PCBP3: variants seen among roughly 807,000 people sequenced by gnomAD.
PCBP3 encodes poly(rC)-binding protein 3.
A neutral mutation model predicts 52.7 loss-of-function variants in PCBP3; 25 were observed. The observed-to-expected ratio is 0.47, with a 90% confidence interval of 0.35 to 0.66. PCBP3 has a LOEUF of 0.66. Ranked by LOEUF, PCBP3 falls within the 30% of genes least tolerant of loss-of-function variation. The pLI is 0.01. For missense variants in PCBP3, 391 were observed against 490.3 expected (o/e 0.80, Z 1.91); for synonymous variants, 162 against 183.0 (o/e 0.89, Z 0.93).
At chr21:45,747,321 G>T (rs1019794401) in intron 3 of PCBP3, among the ~76,000 whole-genome samples, 1 of 152,210 alleles carries the variant, frequency 6.6e-6, no homozygotes, top group African/African-American at 2.4e-5. Context: ...GGGGATTATG[G>T]GAGCTACAAT....
intron 4 of PCBP3, among the ~76,000 whole-genome samples, chr21:45,798,925 G>A (rs373500736): frequency 8.3e-6 from 1 of 121,180 alleles, no homozygotes; most frequent in Non-Finnish European, 1.9e-5. Flanking sequence ...CATAGAGAGA[G>A]TGAATGGATG....
At chr21:45,757,917 C>T (rs865910451) in intron 4 of PCBP3, among the ~76,000 whole-genome samples, 1 of 149,682 alleles carries the variant, frequency 6.7e-6, no homozygotes, top group Non-Finnish European at 1.5e-5. Flanking sequence ...GACAGAGTCT[C>T]ACTCTGTAGC....
chr21:45,651,507 T>C (rs2146839692), intron 1 of PCBP3, among the ~76,000 whole-genome samples: 1 of 152,334 alleles, frequency 6.6e-6, no homozygotes, highest in Non-Finnish European at 1.5e-5. Flanking sequence ...AAGTATGTTT[T>C]TTGAACCAAT....
At chr21:45,894,138 T>A in intron 5 of PCBP3, 3 of 586,892 alleles carry the variant, frequency 5.1e-6, no homozygotes, top group Non-Finnish European at 6.4e-6. Flanking sequence ...CTCTGGGCAC[T>A]GAGTCCCAGG....
chr21:45,899,643 T>C (rs752761548), intron 7 of PCBP3, 21 bp downstream of exon 7: 4 of 1,592,438 alleles, frequency 2.5e-6, no homozygotes, highest in Non-Finnish European at 3.4e-6. Context: ...ATTGAATCTC[T>C]GCCTCTCCTG....
chr21:45,749,073 T>G (rs1478929854), intron 3 of PCBP3, among the ~76,000 whole-genome samples: 1 of 152,168 alleles, frequency 6.6e-6, no homozygotes, highest in South Asian at 2.1e-4. Flanking sequence ...ATCATTATTA[T>G]GTTCCCTGCA....
At chr21:45,878,002 C>A (rs2095308400) in intron 5 of PCBP3, among the ~76,000 whole-genome samples, 1 of 152,362 alleles carries the variant, frequency 6.6e-6, no homozygotes, top group Admixed American at 6.5e-5. Flanking sequence ...TGCCACATGG[C>A]CTGGACTCCA....
At chr21:45,729,298 C>G (rs1458492401) in intron 2 of PCBP3, among the ~76,000 whole-genome samples, 1 of 152,184 alleles carries the variant, frequency 6.6e-6, no homozygotes, top group East Asian at 1.9e-4. Context: ...TGTGTTTATC[C>G]ATTCATTTGC....
chr21:45,742,056 G>T (rs2086490102), intron 3 of PCBP3, among the ~76,000 whole-genome samples: 1 of 152,184 alleles, frequency 6.6e-6, no homozygotes, highest in Admixed American at 6.5e-5. Flanking sequence ...AGGTTGCATG[G>T]TTTCCCATGT....
chr21:45,817,345 C>G lies in PCBP3; in HGVS notation c.-125-32616C>G, dbSNP rs190220878. 4.6e-5 allele frequency among the ~76,000 whole-genome samples: 7 copies of G among 152,328 alleles called. No individual in the cohort carries two copies. The highest frequency in any genetic ancestry group is 4.6e-4 in the Admixed American group (7 of 15,302). ...GTCCCCGCCTCGTGGTACCACATGA[C>G]ATTTAGCGTGTCTGTTCACCTCATA... On this transcript the variant is annotated intron_variant, in intron 4 of 17. Coordinates refer to ENST00000681687, the MANE Select transcript of PCBP3 (RefSeq NM_001384156.1). The surrounding 1 kb of genome is among the most constrained non-coding windows in gnomAD (Gnocchi z 4.3).
chr21:45,871,259 A>G (rs2095002471), intron 5 of PCBP3: 1 of 143,976 alleles, frequency 6.9e-6, no homozygotes, highest in Non-Finnish European at 1.5e-5. Context: ...CCCCCCAGGG[A>G]AGGCCGTGCA....
chr21:45,848,767 A>T (rs2093879519), intron 4 of PCBP3, among the ~76,000 whole-genome samples: 1 of 152,088 alleles, frequency 6.6e-6, no homozygotes. Flanking sequence ...GCTGGGTGGG[A>T]GTTCTCAGTT....
chr21:45,667,232 T>G (rs545934032), intron 1 of PCBP3, among the ~76,000 whole-genome samples: 1 of 152,118 alleles, frequency 6.6e-6, no homozygotes, highest in South Asian at 2.1e-4. Flanking sequence ...GGTCTTGAAC[T>G]CCCAACCTTA....
intron 5 of PCBP3, among the ~76,000 whole-genome samples, chr21:45,891,632 C>G (rs1300853297): frequency 6.6e-6 from 1 of 152,170 alleles, no homozygotes; most frequent in Admixed American, 6.5e-5. Context: ...TCCTGTGAGC[C>G]ACTGTGGGAC....
At chr21:45,858,114 A>C (rs562425219) in intron 5 of PCBP3, among the ~76,000 whole-genome samples, 2 of 152,356 alleles carry the variant, frequency 1.3e-5, no homozygotes, top group East Asian at 1.9e-4. Context: ...CCTGTCAACC[A>C]AAATGGGATT....
At position 45,737,727 on chromosome 21, in the gene PCBP3, G is replaced by T. The variant is rs989521918; in HGVS notation, c.-162+2298G>T. Among the ~76,000 whole-genome samples the T allele has an allele frequency of 9.9e-5, 15 of 152,190 alleles. No homozygotes were observed. Among genetic ancestry groups the T allele is most frequent in the African/African-American group, 3.6e-4 (15 of 41,436 alleles). On this transcript the variant is annotated intron_variant, in intron 3 of 17. Transcript: ENST00000681687. The surrounding 1 kb of genome is among the most constrained non-coding windows in gnomAD (Gnocchi z 4.9). ...CAGTACAGACAGGGAACTTTTATAG[G>T]TACCTGTGGCCTCTTCTGCTGGTGG...
At chr21:45,815,972 A>ATGAGTGG (rs1207345273) in intron 4 of PCBP3, among the ~76,000 whole-genome samples, 3 of 39,318 alleles carry the variant, frequency 7.6e-5, no homozygotes, top group African/African-American at 1.0e-4. Flanking sequence ...GTAGTGAGTG[A>ATGAGTGG]TGAGTGGTGA....
intron 4 of PCBP3, among the ~76,000 whole-genome samples, chr21:45,815,462 A>G (rs1193594001): frequency 1.2e-5 from 1 of 85,750 alleles, no homozygotes; most frequent in African/African-American, 4.7e-5. Flanking sequence ...GTGAGTGGTG[A>G]GTGAGTGATG....
chr21:45,794,130 G>A (rs1303542809), intron 4 of PCBP3, among the ~76,000 whole-genome samples: 1 of 152,146 alleles, frequency 6.6e-6, no homozygotes, highest in Admixed American at 6.5e-5. Flanking sequence ...CTAAACTTCA[G>A]GGTTTTTTTC....
Sources: gnomAD v4.1 joint callset for allele counts (sites outside exome capture counted in the v4.1 genomes callset) on GRCh38, gnomAD v4.1.1 for gene constraint, Gnocchi (gnomAD v3.1) non-coding constraint, MANE v1.5 for transcripts, NCBI Gene and HGNC (gene_info 2026-07-23, HGNC 2026-07-21) for gene names.